Variants in RNASE4 observed in about 807,000 individuals in gnomAD.
RNASE4 encodes ribonuclease 4.
For synonymous variants in RNASE4, 93 were observed against 71.4 expected (o/e 1.30, Z -1.52); for missense variants, 194 against 192.8 (o/e 1.01, Z -0.04).
intron 1 of RNASE4, 171 bp from the exon 2 acceptor site, chr14:20,699,184 C>T (rs1270866978): frequency 3.3e-6 from 2 of 600,122 alleles, no homozygotes; most frequent in East Asian, 2.8e-5. Context: ...AAACTACTCA[C>T]TCTTGAGGAA....
At chr14:20,686,794 C>T (rs945138630) in intron 1 of RNASE4, among the ~76,000 whole-genome samples, 18 of 152,140 alleles carry the variant, frequency 1.2e-4, no homozygotes, top group Admixed American at 1.0e-3. Context: ...TGCTTATAGA[C>T]CTAAAGTGTT....
At chr14:20,686,369 G>C (rs1387700530) in intron 1 of RNASE4, among the ~76,000 whole-genome samples, 1 of 152,242 alleles carries the variant, frequency 6.6e-6, no homozygotes, top group African/African-American at 2.4e-5. Context: ...GCAGGCAAGA[G>C]TAAGAGGTTT....
At chr14:20,691,869 T>C (rs963617491) in intron 1 of RNASE4, among the ~76,000 whole-genome samples, 2 of 152,214 alleles carry the variant, frequency 1.3e-5, no homozygotes, top group African/African-American at 4.8e-5. Context: ...CCATAGAACA[T>C]TGGGGTCCTG....
chr14:20,693,365 C>T (rs1464322362), intron 1 of RNASE4: 3 of 729,698 alleles, frequency 4.1e-6, no homozygotes, highest in East Asian at 2.7e-5. Context: ...ATTAAATAGA[C>T]GTTCCGCAGG....
chr14:20,697,545 ACAATATC>A (rs1464667347), intron 1 of RNASE4, among the ~76,000 whole-genome samples: 1 of 152,230 alleles, frequency 6.6e-6, no homozygotes, highest in East Asian at 1.9e-4. Context: ...ATTTAAAAGA[ACAATATC>A]CATGTTTGAT....
At chr14:20,697,466 C>A (rs1887130971) in intron 1 of RNASE4, among the ~76,000 whole-genome samples, 1 of 152,166 alleles carries the variant, frequency 6.6e-6, no homozygotes, top group Non-Finnish European at 1.5e-5. Flanking sequence ...TGCAGGCACA[C>A]AGATATGACA....
Position 20,700,844 on chromosome 14 carries a change from C to T in RNASE4, c.*1029C>T, listed in dbSNP as rs147243967. The T allele has an allele frequency of 1.2e-3, 191 of 153,016 alleles. No homozygotes were observed. The highest frequency in any genetic ancestry group is 4.3e-3 in the African/African-American group (180 of 41,554). The allele number at this position is 153,016 out of a possible 1,614,324, so 9.5% of individuals were successfully genotyped here. On this transcript the variant is annotated 3_prime_UTR_variant, in exon 2 of 2. Coordinates refer to ENST00000555835, the MANE Select transcript of RNASE4 (RefSeq NM_002937.5). Reference sequence around the variant, plus strand: ...GAAGCAAATTAGGGAGCTGTCAGGTCTCTGAGCCCAAGCCTGCACGTATAC... The same window carrying T: ...GAAGCAAATTAGGGAGCTGTCAGGTTTCTGAGCCCAAGCCTGCACGTATAC...
At chr14:20,688,578 T>A in intron 1 of RNASE4, 1 of 591,382 alleles carries the variant, frequency 1.7e-6, no homozygotes, top group Non-Finnish European at 2.1e-6. Flanking sequence ...CAGAAGGCCA[T>A]GTTTCTCAAA....
At chr14:20,695,173 G>A (rs1383116393) in intron 1 of RNASE4, among the ~76,000 whole-genome samples, 2 of 152,164 alleles carry the variant, frequency 1.3e-5, no homozygotes, top group African/African-American at 4.8e-5. Context: ...GAGGCGGACA[G>A]ATCACGAGGT....
At chr14:20,688,111 A>C (rs2139003106) in intron 1 of RNASE4, among the ~76,000 whole-genome samples, 1 of 152,306 alleles carries the variant, frequency 6.6e-6, no homozygotes, top group African/African-American at 2.4e-5. Flanking sequence ...CAGAAGATTG[A>C]ATGTTCAGGG....
intron 1 of RNASE4, among the ~76,000 whole-genome samples, chr14:20,689,575 T>C (rs569467185): frequency 3.9e-5 from 6 of 152,342 alleles, no homozygotes; most frequent in African/African-American, 1.4e-4. Context: ...AGAATAATTC[T>C]TGTGAATACT....
intron 1 of RNASE4, among the ~76,000 whole-genome samples, chr14:20,689,842 G>C (rs527982125): frequency 7.6e-4 from 115 of 151,694 alleles, no homozygotes; most frequent in South Asian, 4.0e-3. Flanking sequence ...CCTGAACCTG[G>C]GAGGTGGAGG....
intron 1 of RNASE4, chr14:20,693,903 G>C: frequency 6.2e-7 from 1 of 1,614,118 alleles, no homozygotes; most frequent in Non-Finnish European, 8.5e-7. Flanking sequence ...GTTCCCCCTG[G>C]CCTCCATGCC....
chr14:20,692,673 A>G (rs1886829882), intron 1 of RNASE4, among the ~76,000 whole-genome samples: 1 of 152,178 alleles, frequency 6.6e-6, no homozygotes, highest in Non-Finnish European at 1.5e-5. Flanking sequence ...CAATCCATAG[A>G]AATACTGTCT....
chr14:20,694,039 G>A (rs1183280186), intron 1 of RNASE4: 4 of 1,612,688 alleles, frequency 2.5e-6, no homozygotes, highest in South Asian at 2.2e-5. Flanking sequence ...TGCTGGCTCT[G>A]CTGTCCTTGC....
intron 1 of RNASE4, among the ~76,000 whole-genome samples, chr14:20,691,454 ATG>A (rs1886741211): frequency 6.6e-6 from 1 of 152,248 alleles, no homozygotes; most frequent in South Asian, 2.1e-4. Context: ...CATGATGTAA[ATG>A]TGAAGAACGT....
At chr14:20,697,742 C>T (rs1266500786) in intron 1 of RNASE4, among the ~76,000 whole-genome samples, 1 of 152,218 alleles carries the variant, frequency 6.6e-6, no homozygotes, top group Non-Finnish European at 1.5e-5. Context: ...GGGGTCAGTC[C>T]TTGGACTGCA....
chr14:20,693,886 C>T (rs1489048735), intron 1 of RNASE4: 3 of 1,614,208 alleles, frequency 1.9e-6, no homozygotes, highest in Admixed American at 1.7e-5. Flanking sequence ...TTGCAAGCTA[C>T]ATGGAGGTTC....
chr14:20,691,254 C>T (rs550564167), intron 1 of RNASE4, among the ~76,000 whole-genome samples: 1 of 152,324 alleles, frequency 6.6e-6, no homozygotes, highest in South Asian at 2.1e-4. Flanking sequence ...GGTTCCGTTT[C>T]CTGATTTCTG....
Sources: allele counts gnomAD v4.1 joint callset (sites outside exome capture counted in the v4.1 genomes callset), GRCh38; gene constraint gnomAD v4.1.1; transcripts MANE v1.5; gene names NCBI Gene and HGNC (gene_info 2026-07-23, HGNC 2026-07-21).